The following ZNF843 variants were observed in gnomAD, a reference collection of about 807,000 sequenced individuals.
ZNF843 encodes zinc finger protein 843.
For synonymous variants in ZNF843, 185 were observed against 207.7 expected, an observed-to-expected ratio of 0.89 and a Z score of 0.94; for missense variants, 482 against 469.4, an observed-to-expected ratio of 1.03 and a Z score of -0.25.
chr16:31,441,553 T>C (rs2082201094), intron 1 of ZNF843, among the ~76,000 whole-genome samples: 1 of 152,072 alleles, frequency 6.6e-6, no homozygotes, highest in South Asian at 2.1e-4. Flanking sequence ...GGCACCATCA[T>C]GGCTCACTGC....
intron 1 of ZNF843, among the ~76,000 whole-genome samples, chr16:31,441,572 C>T (rs1327229467): frequency 1.3e-5 from 2 of 152,140 alleles, no homozygotes; most frequent in East Asian, 3.8e-4. Context: ...GCAGCCTCGA[C>T]CTCCTGGGCT....
chr16:31,439,996 T>C (rs1192993225), intron 1 of ZNF843, among the ~76,000 whole-genome samples: 1 of 152,208 alleles, frequency 6.6e-6, no homozygotes, highest in Non-Finnish European at 1.5e-5. Context: ...TATTAAGCTA[T>C]AAATAATACG....
In ZNF843 at chr16:31,436,929, TGCC is replaced by T; in HGVS notation, c.-83_-81del. On this transcript the variant is annotated 5_prime_UTR_variant, in exon 2 of 2. Transcript: ENST00000315678. The stretch of plus-strand genomic sequence containing the variant: ...GCACTTGGCGCAGCTGTGGGGCCTC[TGCC>T]GCACTCAGGCTTCCCGTGGCCACGA... 5 of 1,343,880 alleles carry T rather than the reference TGCC, an allele frequency of 3.7e-6. No individual in the cohort carries two copies. Among genetic ancestry groups the T allele is most frequent in the Admixed American group, 2.8e-5 (1 of 35,402 alleles). The allele number at this position is 1,343,880 out of a possible 1,614,324, so 83.2% of individuals were successfully genotyped here. A position where few individuals can be genotyped will look rare whatever the true frequency, so the allele number is the denominator to read the frequency against.
chr16:31,442,296 C>A (rs1281112641), intron 1 of ZNF843, among the ~76,000 whole-genome samples: 1 of 143,004 alleles, frequency 7.0e-6, no homozygotes, highest in Admixed American at 7.3e-5. Context: ...CGGCCCTTCG[C>A]TCGATTTTAT....
upstream of ZNF843, chr16:31,442,825 G>C (rs1182490430): frequency 6.6e-6 from 1 of 152,228 alleles, no homozygotes; most frequent in Non-Finnish European, 1.5e-5. Context: ...CATGGTCCCC[G>C]CAAGGGACCC....
At chr16:31,441,073 A>G (rs917674767) in intron 1 of ZNF843, among the ~76,000 whole-genome samples, 3 of 152,100 alleles carry the variant, frequency 2.0e-5, no homozygotes, top group African/African-American at 4.8e-5. Context: ...CTCTCTTCCA[A>G]TGGATGATCT....
Position 31,436,707 on chromosome 16 carries a change from A to G in ZNF843, c.143T>C (p.Leu48Pro). 1.3e-6 allele frequency: 2 copies of G among 1,551,640 alleles called. No homozygotes were observed. The highest frequency in any genetic ancestry group is 1.2e-5 in the South Asian group (1 of 84,066). Residue 48 changes from leucine to proline, a missense_variant, in exon 2 of 2, where the codon CTC (leucine) becomes CCC (proline). Physicochemically the swap from Leu to Pro is moderately conservative, Grantham distance 98. Coordinates refer to ENST00000315678, the MANE Select transcript of ZNF843 (RefSeq NM_001136509.3). ...CGRGFTQSAS[L>P]LQHWRVHSDW... ...GCTGTGGACCCGCCAGTGCTGGAGG[A>G]GGGATGCGCTCTGAGTAAAACCCCT...
intron 1 of ZNF843, among the ~76,000 whole-genome samples, chr16:31,437,929 C>T (rs972004058): frequency 6.6e-5 from 10 of 152,070 alleles, no homozygotes; most frequent in Non-Finnish European, 1.5e-4. Context: ...CATGGCCAAT[C>T]AATGCTTCTT....
chr16:31,442,127 C>T (rs191456649), intron 1 of ZNF843, among the ~76,000 whole-genome samples: 1 of 152,186 alleles, frequency 6.6e-6, no homozygotes, highest in Non-Finnish European at 1.5e-5. Flanking sequence ...GGTGGACGGC[C>T]GGCCGCAAAG....
chr16:31,437,297 C>CTTTTTTTTTTTTTTTTTTTTT (rs59710664), intron 1 of ZNF843, 113 bp from the exon 2 acceptor site: 4 of 81,998 alleles, frequency 4.9e-5, no homozygotes, highest in African/African-American at 2.0e-4. Context: ...TTCTTTCCTT[C>CTTTTTTTTTTTTTTTTTTTTT]TTTTTTTTTT....
In ZNF843 at chr16:31,437,325, A is replaced by G. The variant is rs2082186800; in HGVS notation, c.-335-141T>C. The G allele has an allele frequency of 1.8e-5, 2 of 114,132 alleles. 1 individual carries two copies. The highest frequency in any genetic ancestry group is 3.5e-5 in the Non-Finnish European group (2 of 57,838). The allele number at this position is 114,132 out of a possible 1,614,324, so 7.1% of individuals were successfully genotyped here. A position where few individuals can be genotyped will look rare whatever the true frequency, so the allele number is the denominator to read the frequency against. ...TTTTTTTTTTTTTTTTTTTTTTAAG[A>G]CAGGGTCTATTTCTGTTGCCCAGGC... On this transcript the variant is annotated intron_variant, in intron 1 of 1. Transcript: ENST00000315678.
chr16:31,441,793 A>G (rs921332043), intron 1 of ZNF843, among the ~76,000 whole-genome samples: 33 of 152,268 alleles, frequency 2.2e-4, no homozygotes, highest in Middle Eastern at 3.4e-3. Context: ...GGCAGAATAC[A>G]GAAGTAATAA....
At chr16:31,439,931 A>G (rs1165718556) in intron 1 of ZNF843, among the ~76,000 whole-genome samples, 1 of 152,208 alleles carries the variant, frequency 6.6e-6, no homozygotes, top group Non-Finnish European at 1.5e-5. Context: ...TCTGAGATGT[A>G]ACACAGGTAG....
rs1417032445 is a variant in ZNF843 at position 31,436,127 on chromosome 16, A to AGGCACTGCG, written c.714_722dup (p.Ala242_Pro244dup). On this transcript the variant is annotated inframe_insertion, in exon 2 of 2. Transcript: ENST00000315678. ...CTTCCAGGCCTCCCAGAGGCACTGC[A>AGGCACTGCG]GGCACTGCGGGAAGGCCGGATGGAA... 8 of 1,549,744 alleles carry AGGCACTGCG rather than the reference A, an allele frequency of 5.2e-6. No individual in the cohort carries two copies. The East Asian group carries it at 1.2e-4, about 24-fold the overall frequency.
rs1489754510 is a variant in ZNF843 at position 31,436,327 on chromosome 16, C to T, written c.523G>A (p.Gly175Ser). 2 of 1,546,700 alleles carry T rather than the reference C, an allele frequency of 1.3e-6. No individual in the cohort carries two copies. The highest frequency in any genetic ancestry group is 2.0e-5 in the Admixed American group (1 of 50,786). ...AGGCTGACGCTCTCCACGCTCCCAC[C>T]CCTGCAGGTCTTCTCCCCTGGGTGC... ...LPHPGEKTCRGGSVESVSLAP... is the reference protein window; with the variant it reads ...LPHPGEKTCRSGSVESVSLAP... The change falls in exon 2 of 2, where the codon GGT becomes AGT. Residue 175 changes from glycine (G) to serine (S), a missense_variant. Physicochemically the swap from Gly to Ser is moderately conservative, Grantham distance 56 (BLOSUM62 0). Transcript: ENST00000315678.
At chr16:31,437,221 A>T in intron 1 of ZNF843, 37 bp from the exon 2 acceptor site, 1 of 200,326 alleles carries the variant, frequency 5.0e-6, no homozygotes, top group South Asian at 1.8e-4. Context: ...ATTTTACTAC[A>T]AACTGCAAAG....
upstream of ZNF843, chr16:31,442,845 G>C (rs1567367011): frequency 6.6e-6 from 1 of 152,304 alleles, no homozygotes; most frequent in Non-Finnish European, 1.5e-5. Flanking sequence ...CTGGGAGCTG[G>C]AGGCGTCCTG....
Position 31,435,935 on chromosome 16 carries a change from G to T in ZNF843, c.915C>A (p.Gly305=). 6.5e-7 allele frequency: 1 copy of T among 1,543,200 alleles called. No homozygotes were observed. The highest frequency in any genetic ancestry group is 1.4e-5 in the African/African-American group (1 of 72,990). The change falls in exon 2 of 2, where the codon GGC becomes GGA. Residue 305 remains glycine (G), a synonymous_variant. Coordinates refer to ENST00000315678, the MANE Select transcript of ZNF843 (RefSeq NM_001136509.3). The stretch of plus-strand genomic sequence containing the variant: ...GTCGCTGAAGCCTGGCCCTGGCCTC[G>T]CCGAGCGGTCCGGCCGCTCTGTGCT... ...ASQHRAAGPL[G]EARARLQRQC...
In ZNF843 at chr16:31,435,613, T is replaced by G; in HGVS notation, c.*190A>C. The G allele has an allele frequency of 3.8e-6, 2 of 530,836 alleles. No individual in the cohort carries two copies. The highest frequency in any genetic ancestry group is 6.2e-6 in the Non-Finnish European group (2 of 320,374). 32.9% of individuals were successfully genotyped at this position (530,836 alleles called of 1,614,324 possible). On this transcript the variant is annotated 3_prime_UTR_variant, in exon 2 of 2. Transcript: ENST00000315678. ...CCGCACCTGCCTAAATCCCTTAATG[T>G]ATAAGGGAAAGGAGCGAGAATTCAG...
Sources: gnomAD v4.1 joint callset for allele counts (sites outside exome capture counted in the v4.1 genomes callset) on GRCh38, gnomAD v4.1.1 for gene constraint, MANE v1.5 for transcripts, NCBI Gene and HGNC (gene_info 2026-07-23, HGNC 2026-07-21) for gene names.